Variants in CFAP44 observed in about 807,000 individuals in gnomAD.
The protein encoded by CFAP44 is cilia and flagella associated protein 44, also known as cilia- and flagella-associated protein 44.
Under a neutral mutation model 216.2 loss-of-function variants are expected in CFAP44, and 134 were observed. The ratio of observed to expected loss-of-function variants is 0.62; its 90% CI spans 0.54 to 0.72. CFAP44 has a LOEUF of 0.72. Ranked by LOEUF, CFAP44 falls within the 30% of genes least tolerant of loss-of-function variation. The pLI, the probability that CFAP44 is intolerant of heterozygous loss-of-function variation, is 0.00. For synonymous variants in CFAP44, 700 were observed against 727.6 expected (o/e 0.96, Z 0.61); for missense variants, 2,035 against 2,182.1 (o/e 0.93, Z 1.34).
chr3:113,352,428 A>G (rs572392802), intron 22 of CFAP44, among the ~76,000 whole-genome samples: 1 of 152,322 alleles, frequency 6.6e-6, no homozygotes, highest in South Asian at 2.1e-4. Flanking sequence ...ACTTGCTGCA[A>G]AAGTCTGCGG....
intron 32 of CFAP44, among the ~76,000 whole-genome samples, chr3:113,297,869 T>A (rs896035617): frequency 6.6e-6 from 1 of 152,250 alleles, no homozygotes; most frequent in African/African-American, 2.4e-5. Flanking sequence ...CAGAAATTTG[T>A]ATTGGGGCAT....
At position 113,420,131 on chromosome 3, in the gene CFAP44, C is replaced by T; in HGVS notation, c.456G>A (p.Leu152=). 6.2e-7 allele frequency: 1 copy of T among 1,613,630 alleles called. No homozygotes were observed. Among genetic ancestry groups the T allele is most frequent in the Non-Finnish European group, 8.5e-7 (1 of 1,179,790 alleles). Residue 152 remains leucine, a synonymous_variant, in exon 5 of 35, where the codon CTG becomes CTA. Coordinates refer to ENST00000393845, the MANE Select transcript of CFAP44 (RefSeq NM_001164496.2). ...CTATGTATATGGCGATACTGTCGTCCAGAAGTTGTAGGTTGGCTCGCTTTC... is the reference window on the plus strand; with the variant it reads ...CTATGTATATGGCGATACTGTCGTCTAGAAGTTGTAGGTTGGCTCGCTTTC... ...DCRKRANLQL[L]DDSIAIYIAG...
chr3:113,418,529 A>G (rs1207408458), intron 5 of CFAP44, among the ~76,000 whole-genome samples: 1 of 152,176 alleles, frequency 6.6e-6, no homozygotes, highest in Non-Finnish European at 1.5e-5. Flanking sequence ...AGTATTTCTG[A>G]ACCATAACTG....
intron 28 of CFAP44, 96 bp from the exon 29 acceptor site, chr3:113,308,364 T>C: frequency 1.0e-6 from 1 of 993,264 alleles, no homozygotes; most frequent in South Asian, 1.8e-5. Context: ...AGTTAGTCAC[T>C]AGAAAAATAA....
intron 17 of CFAP44, among the ~76,000 whole-genome samples, chr3:113,374,827 G>A (rs533712026): frequency 7.2e-5 from 11 of 152,196 alleles, no homozygotes; most frequent in South Asian, 2.1e-4. Flanking sequence ...GTAGAGATGC[G>A]GTTTTGCCAT....
chr3:113,297,247 A>C (rs1949890695), intron 32 of CFAP44, among the ~76,000 whole-genome samples: 1 of 152,064 alleles, frequency 6.6e-6, no homozygotes, highest in Non-Finnish European at 1.5e-5. Flanking sequence ...CACTTCAGAG[A>C]AGTCTCCATC....
chr3:113,342,248 G>T (rs576276475), intron 23 of CFAP44, among the ~76,000 whole-genome samples: 2 of 152,268 alleles, frequency 1.3e-5, no homozygotes, highest in South Asian at 4.1e-4. Context: ...CAGGAGAATT[G>T]CTTGAAACCA....
intron 5 of CFAP44, among the ~76,000 whole-genome samples, chr3:113,419,198 G>A (rs558315992): frequency 1.6e-4 from 25 of 152,286 alleles, no homozygotes; most frequent in Admixed American, 3.3e-4. Context: ...CATAGGCTCC[G>A]ACTGACTTCC....
intron 31 of CFAP44, 66 bp downstream of exon 31, chr3:113,304,970 C>T: frequency 1.4e-6 from 2 of 1,403,160 alleles, no homozygotes; most frequent in Non-Finnish European, 9.7e-7. Flanking sequence ...ATGAATCTTT[C>T]TCTGAAAAGC....
At chr3:113,382,965 G>A (rs1031213806) in intron 15 of CFAP44, among the ~76,000 whole-genome samples, 3 of 152,236 alleles carry the variant, frequency 2.0e-5, no homozygotes, top group Admixed American at 6.5e-5. Flanking sequence ...ATTGCTGAAC[G>A]ATTTCATGGA....
rs376851890 is a variant in CFAP44, at chr3:113,395,884, C to T, written c.1780-24G>A. ...CTCTAAGGAAAAAGAGACACACCGA[C>T]GAAATATATATTACTATGAAATCTA... On this transcript the variant is annotated intron_variant, in intron 14 of 34. Transcript: ENST00000393845. 160 of 1,541,718 alleles carry T rather than the reference C, an allele frequency of 1.0e-4. 1 individual carries two copies. The highest frequency in any genetic ancestry group is 7.9e-4 in the African/African-American group (58 of 73,100).
At position 113,374,147 on chromosome 3, in the gene CFAP44, C is replaced by T. The variant is rs11920233; in HGVS notation, c.2299-591G>A. 8.9e-3 allele frequency among the ~76,000 whole-genome samples: 1,351 copies of T among 151,992 alleles called. 17 individuals carry two copies. The highest frequency in any genetic ancestry group is 0.03 in the African/African-American group (1,260 of 41,456). On this transcript the variant is annotated intron_variant, in intron 17 of 34. Coordinates refer to ENST00000393845, the MANE Select transcript of CFAP44 (RefSeq NM_001164496.2). ...GAAAGAGAATGTAACATCATGATCA[C>T]CTCTGAAAATCAAATTACTAAGTTT...
intron 28 of CFAP44, among the ~76,000 whole-genome samples, chr3:113,310,623 T>C (rs1246365978): frequency 6.6e-6 from 1 of 152,240 alleles, no homozygotes; most frequent in African/African-American, 2.4e-5. Context: ...ATATCTGATA[T>C]GGTTTGGATC....
chr3:113,372,872 T>C (rs1396227330), intron 18 of CFAP44, among the ~76,000 whole-genome samples: 1 of 152,196 alleles, frequency 6.6e-6, no homozygotes, highest in Non-Finnish European at 1.5e-5. Flanking sequence ...GCTGACACCT[T>C]GATCTTGGAA....
intron 34 of CFAP44, among the ~76,000 whole-genome samples, chr3:113,292,211 G>A (rs567693498): frequency 6.6e-6 from 1 of 152,012 alleles, no homozygotes; most frequent in Admixed American, 6.5e-5. Context: ...CCTGCTTTCT[G>A]TTTTATCGAA....
At chr3:113,380,435 AT>A (rs931953426) in intron 16 of CFAP44, among the ~76,000 whole-genome samples, 6 of 145,968 alleles carry the variant, frequency 4.1e-5, no homozygotes, top group African/African-American at 1.5e-4. Flanking sequence ...AATTCCCCCT[AT>A]TTTTTTTTTC....
chr3:113,403,498 A>G (rs1934195189), intron 9 of CFAP44, among the ~76,000 whole-genome samples: 1 of 152,236 alleles, frequency 6.6e-6, no homozygotes, highest in South Asian at 2.1e-4. Context: ...ACAAATGTTC[A>G]GCACCTTTGT....
intron 18 of CFAP44, among the ~76,000 whole-genome samples, chr3:113,368,614 C>T (rs757661773): frequency 2.6e-4 from 40 of 152,120 alleles, no homozygotes; most frequent in Non-Finnish European, 4.1e-4. Context: ...AAGGAACAAC[C>T]GGTACCAGCC....
intron 6 of CFAP44, among the ~76,000 whole-genome samples, chr3:113,411,562 T>C (rs1020111104): frequency 6.6e-6 from 1 of 152,206 alleles, no homozygotes; most frequent in Non-Finnish European, 1.5e-5. Context: ...TGTAGTATAG[T>C]TTGAAGTTAG....
Sources: gnomAD v4.1 joint callset for allele counts (sites outside exome capture counted in the v4.1 genomes callset) on GRCh38, gnomAD v4.1.1 for gene constraint, MANE v1.5 for transcripts, NCBI Gene and HGNC (gene_info 2026-07-23, HGNC 2026-07-21) for gene names.